CDADC1: variants seen among roughly 807,000 people sequenced by gnomAD.
CDADC1 encodes the protein dCTP deaminase.
Under a neutral mutation model 54.9 loss-of-function variants are expected in CDADC1, and 39 were observed. That is an observed-to-expected ratio of 0.71 (90% CI 0.55 to 0.93). CDADC1 has a LOEUF of 0.93. Among genes scored for constraint, CDADC1 ranks in the 40% least tolerant of loss-of-function variants. The pLI is 0.00. For missense variants in CDADC1, 518 were observed against 618.8 expected (o/e 0.84, Z 1.73); for synonymous variants, 186 against 204.0 (o/e 0.91, Z 0.75).
At position 49,248,742 on chromosome 13, in the gene CDADC1, C is replaced by T. The variant is rs1213631803; in HGVS notation, c.83-129C>T. 6.1e-5 allele frequency: 42 copies of T among 690,428 alleles called. No individual in the cohort carries two copies. In the East Asian group the frequency reaches 9.7e-4, roughly 16 times the overall value. 42.8% of individuals were successfully genotyped at this position (690,428 alleles called of 1,614,324 possible). ...GCTAAGATACCTCTGACTCTCTTGT[C>T]CCCTATCTTTTTCTGTGCCTCTTGC... On this transcript the variant is annotated intron_variant, in intron 1 of 9. Coordinates refer to ENST00000251108, the MANE Select transcript of CDADC1 (RefSeq NM_030911.4).
Position 49,247,974 on chromosome 13 carries a change from C to T in CDADC1, c.-64C>T. ...TGAGAGGAGGCGAGAGGCGGGGGCG[C>T]TAGGGCCGAGATCATGTCTGACTGG... On this transcript the variant is annotated 5_prime_UTR_variant, in exon 1 of 10. Transcript: ENST00000251108. 11 of 1,451,280 alleles carry T rather than the reference C, an allele frequency of 7.6e-6. No homozygotes were observed. The highest frequency in any genetic ancestry group is 1.0e-5 in the Non-Finnish European group (11 of 1,057,452). 89.9% of individuals were successfully genotyped at this position (1,451,280 alleles called of 1,614,324 possible).
intron 9 of CDADC1, among the ~76,000 whole-genome samples, chr13:49,286,601 G>A (rs964902911): frequency 1.3e-5 from 2 of 152,114 alleles, no homozygotes; most frequent in Non-Finnish European, 2.9e-5. Context: ...AGCTTATTGG[G>A]GAGTGAGAAA....
chr13:49,267,566 T>C lies in CDADC1; in HGVS notation c.507T>C (p.Asp169=). 1.9e-6 allele frequency: 3 copies of C among 1,614,140 alleles called. No homozygotes were observed. The highest frequency in any genetic ancestry group is 2.5e-6 in the Non-Finnish European group (3 of 1,180,016). Reference sequence around the variant, plus strand: ...TTACGGAGGCTTCTAGTTCTGAAGATGCAAAGTTAGATGCCAAAGCAGTGG... The same window carrying C: ...TTACGGAGGCTTCTAGTTCTGAAGACGCAAAGTTAGATGCCAAAGCAGTGG... The part of the protein sequence containing the change: ...SLLTEASSSE[D]AKLDAKAVER... Residue 169 remains aspartate, a synonymous_variant, in exon 5 of 10, where the codon GAT becomes GAC. Coordinates refer to ENST00000251108, the MANE Select transcript of CDADC1 (RefSeq NM_030911.4).
rs201375906 is a variant in CDADC1 at position 49,267,678 on chromosome 13, T to G, written c.619T>G (p.Ser207Ala). Residue 207 changes from serine to alanine, a missense_variant, in exon 5 of 10, where the codon TCT becomes GCT. Ser to Ala is a moderately conservative substitution (Grantham distance 99). Coordinates refer to ENST00000251108, the MANE Select transcript of CDADC1 (RefSeq NM_030911.4). ...TATGGTGCAGTTTGTAGAGGAGACC[T>G]CTTACAAATGTGACTTTATTCAAAA... is the stretch of plus-strand genomic sequence containing the variant. Reference protein sequence around the residue: ...CYMVQFVEETSYKCDFIQKIT... With the variant: ...CYMVQFVEETAYKCDFIQKIT... The G allele has an allele frequency of 5.0e-5, 81 of 1,613,444 alleles. No homozygotes were observed. The highest frequency in any genetic ancestry group is 6.8e-6 in the Non-Finnish European group (8 of 1,179,784).
intron 5 of CDADC1, among the ~76,000 whole-genome samples, chr13:49,268,354 A>G (rs1952876150): frequency 6.6e-6 from 1 of 152,042 alleles, no homozygotes; most frequent in Non-Finnish European, 1.5e-5. Flanking sequence ...CCTCCACTAA[A>G]GGTAGGACAA....
Position 49,264,721 on chromosome 13 carries a change from A to T in CDADC1, c.431-2769A>T, listed in dbSNP as rs63186862. On this transcript the variant is annotated intron_variant, in intron 4 of 9. Coordinates refer to ENST00000251108, the MANE Select transcript of CDADC1 (RefSeq NM_030911.4). Reference sequence around the variant, plus strand: ...TTGGGTGACAGACTGGTCTCTATTTAAAAAAAAAAAAAAAGGTATAGTGAT... The same window carrying T: ...TTGGGTGACAGACTGGTCTCTATTTTAAAAAAAAAAAAAAGGTATAGTGAT... Among the ~76,000 whole-genome samples, 50 of 81,116 alleles carry T rather than the reference A, an allele frequency of 6.2e-4. No individual in the cohort carries two copies. In the East Asian group the frequency reaches 7.1e-3, roughly 11 times the overall value. The allele number at this position is 81,116 out of a possible 152,430, so 53.2% of individuals were successfully genotyped here. A position where few individuals can be genotyped will look rare whatever the true frequency, so the allele number is the denominator to read the frequency against.
chr13:49,281,734 A>G (rs1024879605), intron 8 of CDADC1, among the ~76,000 whole-genome samples: 9 of 152,174 alleles, frequency 5.9e-5, no homozygotes, highest in Admixed American at 3.3e-4. Flanking sequence ...GGAGGTGCAC[A>G]CACACAAACA....
At chr13:49,252,280 C>T (rs1358459361) in intron 2 of CDADC1, among the ~76,000 whole-genome samples, 3 of 152,198 alleles carry the variant, frequency 2.0e-5, no homozygotes, top group Admixed American at 2.0e-4. Context: ...TCTGTTCTTA[C>T]CTACAGGGCT....
At chr13:49,277,809 G>A (rs1257247414) in intron 6 of CDADC1, among the ~76,000 whole-genome samples, 1 of 152,134 alleles carries the variant, frequency 6.6e-6, no homozygotes, top group Non-Finnish European at 1.5e-5. Flanking sequence ...AGATGAAAAT[G>A]CATTTTTTAT....
chr13:49,272,381 G>C (rs886936845), intron 5 of CDADC1, among the ~76,000 whole-genome samples: 6 of 152,112 alleles, frequency 3.9e-5, no homozygotes, highest in Admixed American at 3.3e-4. Context: ...GGTCTAGGAA[G>C]GAACCCAATT....
intron 9 of CDADC1, 124 bp from the exon 10 acceptor site, chr13:49,291,560 A>T (rs1018293248): frequency 1.2e-6 from 1 of 803,754 alleles, no homozygotes; most frequent in African/African-American, 1.7e-5. Flanking sequence ...GAATTTGAAG[A>T]TAAAATAAAG....
intron 9 of CDADC1, among the ~76,000 whole-genome samples, chr13:49,289,404 C>T (rs909936415): frequency 1.3e-5 from 2 of 151,964 alleles, no homozygotes; most frequent in African/African-American, 2.4e-5. Flanking sequence ...CTGGGATTAC[C>T]GGCATGAGCC....
chr13:49,288,655 C>T (rs1953596140), intron 9 of CDADC1, among the ~76,000 whole-genome samples: 1 of 152,114 alleles, frequency 6.6e-6, no homozygotes, highest in Admixed American at 6.5e-5. Flanking sequence ...TGGGGCTTGA[C>T]TTTTGGGTAA....
At chr13:49,256,037 T>A (rs1247696349) in intron 3 of CDADC1, 124 bp downstream of exon 3, 3 of 1,354,566 alleles carry the variant, frequency 2.2e-6, no homozygotes, top group East Asian at 5.4e-5. Flanking sequence ...CTTCTAAAAA[T>A]GGTCTGTATA....
intron 2 of CDADC1, among the ~76,000 whole-genome samples, chr13:49,254,917 G>A (rs1182640526): frequency 6.6e-6 from 1 of 152,138 alleles, no homozygotes; most frequent in Non-Finnish European, 1.5e-5. Flanking sequence ...TCTACTTCAA[G>A]TTTTCACTTT....
At chr13:49,273,008 G>A (rs1352103129) in intron 5 of CDADC1, among the ~76,000 whole-genome samples, 1 of 152,030 alleles carries the variant, frequency 6.6e-6, no homozygotes, top group Non-Finnish European at 1.5e-5. Flanking sequence ...TTTACCTTTA[G>A]GGTAAAAATG....
At chr13:49,264,944 A>C (rs1952782075) in intron 4 of CDADC1, among the ~76,000 whole-genome samples, 1 of 152,204 alleles carries the variant, frequency 6.6e-6, no homozygotes, top group African/African-American at 2.4e-5. Context: ...TAACTTGCCC[A>C]AGTTTCTAAA....
In CDADC1 at chr13:49,291,788, A is replaced by G; in HGVS notation, c.*31A>G. ...CCTGTCTACACTGCAGGGGAACCTC[A>G]AGAACTTTTCATTGCACTTCTAAAA... On this transcript the variant is annotated 3_prime_UTR_variant, in exon 10 of 10. Coordinates refer to ENST00000251108, the MANE Select transcript of CDADC1 (RefSeq NM_030911.4). 6.3e-7 allele frequency: 1 copy of G among 1,597,034 alleles called. No homozygotes were observed. Among genetic ancestry groups the G allele is most frequent in the South Asian group, 1.1e-5 (1 of 87,682 alleles).
chr13:49,281,746 A>C (rs902421396), intron 8 of CDADC1, among the ~76,000 whole-genome samples: 1 of 152,190 alleles, frequency 6.6e-6, no homozygotes, highest in African/African-American at 2.4e-5. Flanking sequence ...ACACAAACAC[A>C]CACATTTCTC....
Sources: gnomAD v4.1 joint callset for allele counts (sites outside exome capture counted in the v4.1 genomes callset) on GRCh38, gnomAD v4.1.1 for gene constraint, MANE v1.5 for transcripts, NCBI Gene and HGNC (gene_info 2026-07-23, HGNC 2026-07-21) for gene names.